Variants in NTM observed in about 807,000 individuals in gnomAD.
NTM encodes the protein IgLON family member 2.
NTM carries 13 observed loss-of-function variants against 42.1 expected under a neutral mutation model. The ratio of observed to expected loss-of-function variants is 0.31; its 90% CI spans 0.20 to 0.49. The LOEUF (loss-of-function observed/expected upper bound fraction) is 0.49, where lower values mean the gene tolerates loss of function less well. Ranked by LOEUF, NTM falls within the 20% of genes least tolerant of loss-of-function variation. The pLI, the probability that NTM is intolerant of heterozygous loss-of-function variation, is 0.99. For synonymous variants in NTM, 187 were observed against 179.2 expected, an observed-to-expected ratio of 1.04 and a Z score of -0.35; for missense variants, 373 against 452.8, an observed-to-expected ratio of 0.82 and a Z score of 1.60.
chr11:131,410,389 G>C (rs1432081378), intron 1 of NTM, among the ~76,000 whole-genome samples: 1 of 151,952 alleles, frequency 6.6e-6, no homozygotes, highest in Non-Finnish European at 1.5e-5. Flanking sequence ...AGGAGGCTGA[G>C]GTGGGAGGCT....
chr11:131,593,499 A>C (rs2059560899), intron 1 of NTM, among the ~76,000 whole-genome samples: 1 of 152,188 alleles, frequency 6.6e-6, no homozygotes, highest in Non-Finnish European at 1.5e-5. Context: ...AAACAAGCCA[A>C]GTGTAAAGGC....
chr11:131,522,622 C>T (rs916232893), intron 1 of NTM, among the ~76,000 whole-genome samples: 4 of 152,188 alleles, frequency 2.6e-5, no homozygotes, highest in Admixed American at 6.5e-5. Flanking sequence ...GCTGCAAATA[C>T]GACCTACGTG....
chr11:131,713,891 G>C (rs537476220), intron 1 of NTM, among the ~76,000 whole-genome samples: 37 of 152,280 alleles, frequency 2.4e-4, no homozygotes, highest in Non-Finnish European at 4.6e-4. Context: ...GGGCCAAGCG[G>C]GTGACTTGAG....
At chr11:131,607,550 C>T (rs1025846915) in intron 1 of NTM, among the ~76,000 whole-genome samples, 1 of 152,168 alleles carries the variant, frequency 6.6e-6, no homozygotes, top group Admixed American at 6.5e-5. Flanking sequence ...TCAATGATGG[C>T]CTCTCTCTCC....
intron 4 of NTM, among the ~76,000 whole-genome samples, chr11:132,281,249 A>G (rs538137711): frequency 2.0e-5 from 3 of 152,210 alleles, no homozygotes; most frequent in Non-Finnish European, 2.9e-5. Flanking sequence ...GAGTCCACAC[A>G]CCAATTAGTG....
intron 1 of NTM, among the ~76,000 whole-genome samples, chr11:131,392,132 T>C (rs1246964294): frequency 6.6e-6 from 1 of 152,232 alleles, no homozygotes; most frequent in African/African-American, 2.4e-5. Context: ...TTTTTCCTAG[T>C]GGTCTAGGAA....
At chr11:131,374,522 T>G (rs1941701711) in intron 1 of NTM, among the ~76,000 whole-genome samples, 1 of 152,166 alleles carries the variant, frequency 6.6e-6, no homozygotes, top group Non-Finnish European at 1.5e-5. Flanking sequence ...TGACTTCTGT[T>G]CTTTCTCAGT....
intron 1 of NTM, among the ~76,000 whole-genome samples, chr11:131,589,167 A>AT (rs367629981): frequency 4.9e-5 from 7 of 143,508 alleles, no homozygotes; most frequent in African/African-American, 1.6e-4. Flanking sequence ...ACCTGGAAAA[A>AT]TGTGTGTGTG....
chr11:131,579,255 G>A (rs1017876570), intron 1 of NTM, among the ~76,000 whole-genome samples: 3 of 152,150 alleles, frequency 2.0e-5, no homozygotes, highest in Admixed American at 2.0e-4. Context: ...TCATAGCAGG[G>A]CAGCAAAAGA....
intron 1 of NTM, among the ~76,000 whole-genome samples, chr11:131,558,484 G>C (rs138805073): frequency 6.6e-6 from 1 of 152,196 alleles, no homozygotes; most frequent in East Asian, 1.9e-4. Flanking sequence ...TGATTCCAAA[G>C]GGTTCAACCA....
chr11:131,875,235 G>A (rs1217756141), intron 1 of NTM, among the ~76,000 whole-genome samples: 1 of 150,478 alleles, frequency 6.6e-6, no homozygotes, highest in Non-Finnish European at 1.5e-5. Flanking sequence ...TTATACATTG[G>A]GCTTCCTGGA....
At chr11:131,650,075 G>A (rs1284341671) in intron 1 of NTM, among the ~76,000 whole-genome samples, 1 of 152,156 alleles carries the variant, frequency 6.6e-6, no homozygotes, top group Non-Finnish European at 1.5e-5. Flanking sequence ...GTTTCTGGAG[G>A]AGGGAACAAG....
intron 1 of NTM, among the ~76,000 whole-genome samples, chr11:131,626,955 C>T (rs1228488411): frequency 2.6e-5 from 4 of 152,212 alleles, no homozygotes; most frequent in Non-Finnish European, 5.9e-5. Flanking sequence ...CTCTGAGGAA[C>T]CTGTAGGCTA....
At chr11:132,316,250 C>G (rs1227508632) in intron 7 of NTM, among the ~76,000 whole-genome samples, 15 of 152,154 alleles carry the variant, frequency 9.9e-5, no homozygotes, top group Admixed American at 9.8e-4. Context: ...TAGGGAGAAG[C>G]AGCAAACAAA....
chr11:132,306,436 A>T (rs1393290010), intron 4 of NTM: 1 of 152,210 alleles, frequency 6.6e-6, no homozygotes, highest in Admixed American at 6.5e-5. Flanking sequence ...TGTGCCTCCA[A>T]CCAGATTATA....
At chr11:132,321,492 G>A (rs928009821) in intron 7 of NTM, among the ~76,000 whole-genome samples, 20 of 152,190 alleles carry the variant, frequency 1.3e-4, no homozygotes, top group Non-Finnish European at 2.6e-4. Context: ...AGAATAAAAA[G>A]AAACCAGCAA....
intron 1 of NTM, among the ~76,000 whole-genome samples, chr11:131,509,071 C>T (rs550843378): frequency 6.6e-6 from 1 of 152,252 alleles, no homozygotes; most frequent in East Asian, 1.9e-4. Flanking sequence ...GAAATTTGCT[C>T]AGTTAATACT....
intron 3 of NTM, among the ~76,000 whole-genome samples, chr11:132,192,710 G>A (rs2079507486): frequency 6.6e-6 from 1 of 152,100 alleles, no homozygotes; most frequent in Non-Finnish European, 1.5e-5. Flanking sequence ...TAGTGTGTAA[G>A]TTGTATTAAG....
At chr11:131,769,278 A>G (rs577701128) in intron 1 of NTM, among the ~76,000 whole-genome samples, 1 of 131,126 alleles carries the variant, frequency 7.6e-6, no homozygotes, top group African/African-American at 3.0e-5. Flanking sequence ...TTATTCTCTA[A>G]TGATTTGGTT....
Sources: allele counts gnomAD v4.1 joint callset (sites outside exome capture counted in the v4.1 genomes callset), GRCh38; gene constraint gnomAD v4.1.1; transcripts MANE v1.5; gene names NCBI Gene and HGNC (gene_info 2026-07-23, HGNC 2026-07-21).